The following MYLK variants were observed in gnomAD, a reference collection of about 807,000 sequenced individuals.
The protein encoded by MYLK is myosin light chain kinase, smooth muscle.
MYLK carries 106 observed loss-of-function variants against 203.4 expected under a neutral mutation model. The observed-to-expected ratio is 0.52, with a 90% CI of 0.45 to 0.61. The LOEUF (loss-of-function observed/expected upper bound fraction) is 0.61. Ranked by LOEUF, MYLK falls within the 20% of genes least tolerant of loss-of-function variation. The pLI is 0.00. For synonymous variants in MYLK, 867 were observed against 959.5 expected (o/e 0.90, Z 1.78); for missense variants, 2,072 against 2,442.3 (o/e 0.85, Z 3.20).
chr3:123,749,912 C>G (rs1423325694), intron 5 of MYLK, among the ~76,000 whole-genome samples: 1 of 152,246 alleles, frequency 6.6e-6, no homozygotes. Flanking sequence ...ATGAATTACA[C>G]TCTGAATTCC....
chr3:123,795,591 A>AAGAGCT (rs2064956952), intron 3 of MYLK, among the ~76,000 whole-genome samples: 1 of 152,082 alleles, frequency 6.6e-6, no homozygotes, highest in South Asian at 2.1e-4. Context: ...TGCAGTTGAG[A>AAGAGCT]AGAGCTAGGT....
intron 3 of MYLK, among the ~76,000 whole-genome samples, chr3:123,804,650 A>G (rs1367564918): frequency 6.6e-6 from 1 of 152,144 alleles, no homozygotes; most frequent in African/African-American, 2.4e-5. Context: ...CTTAAGGGAC[A>G]AGCCCAGAGG....
At chr3:123,831,370 C>T (rs1198838108) in intron 3 of MYLK, 178 bp downstream of exon 3, 1 of 1,289,118 alleles carries the variant, frequency 7.8e-7, no homozygotes, top group East Asian at 5.6e-5. Context: ...ACAGACAATG[C>T]TACAGCATAC....
intron 5 of MYLK, among the ~76,000 whole-genome samples, chr3:123,750,273 A>C (rs928064458): frequency 6.6e-6 from 1 of 152,050 alleles, no homozygotes; most frequent in African/African-American, 2.4e-5. Flanking sequence ...TTTAATTTTA[A>C]TTTGAGGGCC....
In MYLK at chr3:123,735,537, G is replaced by C. The variant is rs1284776035; in HGVS notation, c.755-121C>G. ...CCTGCTGGCTCCTTCCAGCTTCCCT[G>C]GTGCTGAACGTCTTTGGCCTTTGAA... On this transcript the variant is annotated intron_variant, in intron 8 of 33. Coordinates refer to ENST00000360304, the MANE Select transcript of MYLK (RefSeq NM_053025.4). 3 of 1,092,644 alleles carry C rather than the reference G, an allele frequency of 2.7e-6. No homozygotes were observed. In the African/African-American group the frequency reaches 4.6e-5, roughly 17 times the overall value. The allele number at this position is 1,092,644 out of a possible 1,614,324, so 67.7% of individuals were successfully genotyped here.
intron 2 of MYLK, among the ~76,000 whole-genome samples, chr3:123,841,555 AG>A (rs1364326597): frequency 6.6e-6 from 1 of 152,090 alleles, no homozygotes; most frequent in African/African-American, 2.4e-5. Flanking sequence ...ATTTTCTGTC[AG>A]TTCCTTTTTT....
intron 10 of MYLK, 27 bp from the exon 11 acceptor site, chr3:123,733,129 C>T: frequency 6.2e-7 from 1 of 1,606,546 alleles, no homozygotes. Flanking sequence ...AGAACGTGAG[C>T]TCCCTATGCC....
At chr3:123,755,894 A>C (rs1479897794) in intron 4 of MYLK, among the ~76,000 whole-genome samples, 1 of 152,172 alleles carries the variant, frequency 6.6e-6, no homozygotes, top group Non-Finnish European at 1.5e-5. Flanking sequence ...GGATACCCAG[A>C]AGCAGAACCT....
chr3:123,747,087 G>A (rs2063042011), intron 5 of MYLK, among the ~76,000 whole-genome samples: 1 of 152,160 alleles, frequency 6.6e-6, no homozygotes, highest in African/African-American at 2.4e-5. Context: ...CCAACATGAA[G>A]ATAAAAGGAG....
intron 29 of MYLK, among the ~76,000 whole-genome samples, chr3:123,631,380 A>T (rs1239577182): frequency 6.8e-6 from 1 of 146,928 alleles, no homozygotes; most frequent in East Asian, 2.0e-4. Flanking sequence ...CCTGGGCAAC[A>T]AGCGAAACTC....
At chr3:123,775,513 A>G (rs2064040099) in intron 4 of MYLK, among the ~76,000 whole-genome samples, 1 of 152,222 alleles carries the variant, frequency 6.6e-6, no homozygotes, top group African/African-American at 2.4e-5. Flanking sequence ...GAGTCAGTAC[A>G]GTAGATGTGG....
At chr3:123,708,550 T>G (rs1205406453) in intron 15 of MYLK, 148 bp downstream of exon 15, 5 of 804,640 alleles carry the variant, frequency 6.2e-6, no homozygotes, top group Non-Finnish European at 5.9e-6. Flanking sequence ...GACAGGGAGC[T>G]GGCCTCTGGG....
chr3:123,768,682 A>G (rs1210622995), intron 4 of MYLK, among the ~76,000 whole-genome samples: 4 of 152,216 alleles, frequency 2.6e-5, no homozygotes, highest in African/African-American at 2.4e-5. Context: ...GATACAATCA[A>G]TTTTCACTTA....
At chr3:123,801,438 T>C (rs1393012189) in intron 3 of MYLK, among the ~76,000 whole-genome samples, 1 of 152,234 alleles carries the variant, frequency 6.6e-6, no homozygotes, top group Non-Finnish European at 1.5e-5. Flanking sequence ...AAAACTTTTA[T>C]TCTAGAGTAA....
intron 19 of MYLK, chr3:123,692,147 C>T (rs557557170): frequency 4.6e-5 from 11 of 241,242 alleles, no homozygotes; most frequent in African/African-American, 9.1e-5. Flanking sequence ...ACAGAAACTC[C>T]GCTAAGACCT....
rs147735490 is a variant in MYLK at position 123,692,775 on chromosome 3, G to A, written c.3525C>T (p.Asp1175=). 1,348 of 1,614,024 alleles carry A rather than the reference G, an allele frequency of 8.4e-4. 19 individuals carry two copies. The South Asian group carries it at 0.011, about 14-fold the overall frequency. The change falls in exon 19 of 34, where the codon GAC becomes GAT. Residue 1175 remains aspartate (D), a synonymous_variant. Transcript: ENST00000360304. ...RGLYKCVAKN[D]AGQAECSCQV... is the part of the protein sequence containing the mutation. ...GGCAGGAGCACTCCGCCTGGCCAGC[G>A]TCATTCTTGGCTACACACTTGTATA...
chr3:123,615,706 C>A (rs1241540772), intron 33 of MYLK, among the ~76,000 whole-genome samples: 1 of 150,328 alleles, frequency 6.7e-6, no homozygotes, highest in Non-Finnish European at 1.5e-5. Context: ...AGGAGTGCAG[C>A]AGCATGATCT....
At position 123,732,917 on chromosome 3, in the gene MYLK, T is replaced by C. The variant is rs2062533752; in HGVS notation, c.1495A>G (p.Ser499Gly). Residue 499 changes from serine to glycine, a missense_variant, in exon 11 of 34, where the codon AGC (serine) becomes GGC (glycine). This residue lies in a region of MYLK where 683 missense variants were observed against 643.8 expected (regional missense o/e 1.06). Coordinates refer to ENST00000360304, the MANE Select transcript of MYLK (RefSeq NM_053025.4). ...ASNAQGQLSC[S>G]WTLQVERLAV... ...TCACTTTCCACTTGGAGGGTCCAGC[T>C]ACAGGACAGCTGGCCTTGGGCGTTG... is the stretch of plus-strand genomic sequence containing the variant. 2.5e-6 allele frequency: 4 copies of C among 1,614,154 alleles called. No homozygotes were observed. The East Asian group carries it at 8.9e-5, about 36-fold the overall frequency.
intron 29 of MYLK, among the ~76,000 whole-genome samples, chr3:123,636,611 G>T: frequency 6.6e-6 from 1 of 152,208 alleles, no homozygotes; most frequent in Non-Finnish European, 1.5e-5. Flanking sequence ...GCCTGGGGCC[G>T]CCCTGAAAGG....
Sources: allele counts gnomAD v4.1 joint callset (sites outside exome capture counted in the v4.1 genomes callset), GRCh38; gene constraint gnomAD v4.1.1; regional missense constraint gnomAD v4.1.1; transcripts MANE v1.5; gene names NCBI Gene and HGNC (gene_info 2026-07-23, HGNC 2026-07-21).